Variants in SHISA9 observed in about 807,000 individuals in gnomAD.
SHISA9 encodes protein shisa-9.
A neutral mutation model predicts 38.0 loss-of-function variants in SHISA9; 13 were observed. The observed-to-expected ratio is 0.34, with a 90% CI of 0.22 to 0.54. The LOEUF is 0.54. Ranked by LOEUF, SHISA9 falls within the 20% of genes least tolerant of loss-of-function variation. SHISA9 has a pLI of 0.91. For synonymous variants in SHISA9, 275 were observed against 242.0 expected (o/e 1.14, Z -1.27); for missense variants, 538 against 575.8 (o/e 0.93, Z 0.67).
At chr16:13,220,277 G>A (rs2051210485) in intron 4 of SHISA9, among the ~76,000 whole-genome samples, 1 of 152,254 alleles carries the variant, frequency 6.6e-6, no homozygotes, top group South Asian at 2.1e-4. Context: ...TGGGTGACTT[G>A]ACTCTGCTCC....
chr16:13,101,417 C>A (rs1051960988), intron 2 of SHISA9, among the ~76,000 whole-genome samples: 3 of 152,172 alleles, frequency 2.0e-5, no homozygotes, highest in Non-Finnish European at 4.4e-5. Flanking sequence ...AATCATAACT[C>A]ATTAAGTCTG....
the SHISA9 span, among the ~76,000 whole-genome samples, chr16:13,275,454 G>T: frequency 6.6e-6 from 1 of 151,722 alleles, no homozygotes; most frequent in Admixed American, 6.6e-5. Context: ...TTAATTTTTT[G>T]TGATTATAAT....
the SHISA9 span, among the ~76,000 whole-genome samples, chr16:13,460,997 T>G: frequency 6.6e-6 from 1 of 152,260 alleles, no homozygotes; most frequent in African/African-American, 2.4e-5. Context: ...TGTCTTTTGC[T>G]GTCTCAGGCA....
intron 2 of SHISA9, among the ~76,000 whole-genome samples, chr16:13,188,232 C>T (rs948215670): frequency 1.3e-5 from 2 of 152,212 alleles, no homozygotes; most frequent in Non-Finnish European, 2.9e-5. Context: ...CATGAAAGCT[C>T]ATGCATTTTT....
the SHISA9 span, among the ~76,000 whole-genome samples, chr16:13,396,072 G>C: frequency 7.9e-5 from 12 of 152,186 alleles, no homozygotes; most frequent in Admixed American, 2.6e-4. Flanking sequence ...GATCAAGAGA[G>C]GGGGAAGATG....
chr16:13,529,000 C>A, the SHISA9 span, among the ~76,000 whole-genome samples: 30,462 of 152,034 alleles, frequency 0.2, 3,317 homozygotes, highest in South Asian at 0.36. Flanking sequence ...TCCTAAGCTT[C>A]CCAGCTGACT....
At chr16:13,307,286 A>T in the SHISA9 span, among the ~76,000 whole-genome samples, 1 of 152,128 alleles carries the variant, frequency 6.6e-6, no homozygotes, top group Non-Finnish European at 1.5e-5. Context: ...AATGTCATTT[A>T]TTTTTCATAT....
intron 2 of SHISA9, among the ~76,000 whole-genome samples, chr16:13,183,562 G>A (rs989496446): frequency 9.2e-5 from 14 of 152,224 alleles, no homozygotes; most frequent in Admixed American, 7.9e-4. Flanking sequence ...CCAACTGAGA[G>A]CTTAAAGATT....
At chr16:13,404,101 A>T in the SHISA9 span, among the ~76,000 whole-genome samples, 1 of 152,142 alleles carries the variant, frequency 6.6e-6, no homozygotes, top group Non-Finnish European at 1.5e-5. Context: ...TTCCTCTATT[A>T]TTTTGTTATT....
the SHISA9 span, chr16:13,350,342 T>C: frequency 6.6e-6 from 1 of 152,300 alleles, no homozygotes; most frequent in Non-Finnish European, 1.5e-5. Context: ...GCCGTTGGAG[T>C]TGGACTGAGC....
At chr16:13,409,536 C>G in the SHISA9 span, among the ~76,000 whole-genome samples, 1 of 152,226 alleles carries the variant, frequency 6.6e-6, no homozygotes, top group Non-Finnish European at 1.5e-5. Flanking sequence ...GTGGTGACCC[C>G]ACGCCCCTGT....
At chr16:12,970,446 T>TATATGTATATATATATAC (rs2072057706) in intron 2 of SHISA9, among the ~76,000 whole-genome samples, 1 of 81,874 alleles carries the variant, frequency 1.2e-5, no homozygotes, top group African/African-American at 5.2e-5. Context: ...TATACACACA[T>TATATGTATATATATATAC]ATATATATAC....
chr16:13,486,736 C>T, the SHISA9 span, among the ~76,000 whole-genome samples: 3 of 152,072 alleles, frequency 2.0e-5, no homozygotes, highest in African/African-American at 7.2e-5. Flanking sequence ...TGGATTTTTG[C>T]TCTTGTTGCC....
the SHISA9 span, among the ~76,000 whole-genome samples, chr16:13,544,510 G>A: frequency 2.9e-5 from 4 of 138,294 alleles, no homozygotes; most frequent in African/African-American, 5.4e-5. Flanking sequence ...CAGGGAGATT[G>A]CACAGCTGAG....
At chr16:13,169,338 C>T (rs536640043) in intron 2 of SHISA9, among the ~76,000 whole-genome samples, 15 of 152,276 alleles carry the variant, frequency 9.9e-5, no homozygotes, top group Admixed American at 7.8e-4. Flanking sequence ...AAGACAGATG[C>T]GTTCCCTTTT....
the SHISA9 span, among the ~76,000 whole-genome samples, chr16:13,337,030 T>C: frequency 6.6e-6 from 1 of 152,212 alleles, no homozygotes. Context: ...GACAGTATGA[T>C]GACAAATGTT....
intron 2 of SHISA9, among the ~76,000 whole-genome samples, chr16:12,993,523 G>A (rs187015997): frequency 6.6e-5 from 10 of 152,228 alleles, no homozygotes; most frequent in Non-Finnish European, 1.3e-4. Flanking sequence ...AAAGCCCCTA[G>A]GTGCCCAGTA....
intron 2 of SHISA9, among the ~76,000 whole-genome samples, chr16:12,982,209 G>A (rs2072248298): frequency 6.6e-6 from 1 of 152,204 alleles, no homozygotes; most frequent in Non-Finnish European, 1.5e-5. Flanking sequence ...TTAACTGCTG[G>A]ATTCGGCCAT....
At chr16:12,953,208 TCAACAA>T (rs71393724) in intron 2 of SHISA9, among the ~76,000 whole-genome samples, 154 of 148,668 alleles carry the variant, frequency 1.0e-3, no homozygotes, top group East Asian at 7.1e-3. Context: ...AAAAAACCCC[TCAACAA>T]CAACAACAAC....
Sources: allele counts gnomAD v4.1 joint callset (sites outside exome capture counted in the v4.1 genomes callset), GRCh38; gene constraint gnomAD v4.1.1; transcripts MANE v1.5; gene names NCBI Gene and HGNC (gene_info 2026-07-23, HGNC 2026-07-21).